CNTN6: variants seen among roughly 807,000 people sequenced by gnomAD.
The protein encoded by CNTN6 is contactin-6.
A neutral mutation model predicts 122.8 loss-of-function variants in CNTN6; 137 were observed. The observed-to-expected ratio is 1.12, with a 90% confidence interval of 0.97 to 1.29. The LOEUF (loss-of-function observed/expected upper bound fraction) is 1.29. CNTN6 is among the 50% of genes most tolerant of loss of function. CNTN6 has a pLI of 0.00. For missense variants in CNTN6, 1,634 were observed against 1,223.4 expected, an observed-to-expected ratio of 1.34 and a Z score of -5.01; for synonymous variants, 570 against 426.0, an observed-to-expected ratio of 1.34 and a Z score of -4.16.
At chr3:1,190,843 T>C (rs1008059632) in intron 2 of CNTN6, among the ~76,000 whole-genome samples, 1 of 152,142 alleles carries the variant, frequency 6.6e-6, no homozygotes, top group African/African-American at 2.4e-5. Context: ...TGAGATTAGT[T>C]TTCCCAAAGC....
chr3:1,245,786 G>A (rs544518008), intron 4 of CNTN6, among the ~76,000 whole-genome samples: 35 of 152,026 alleles, frequency 2.3e-4, no homozygotes, highest in Non-Finnish European at 4.6e-4. Context: ...GAGTTTTGAT[G>A]GAAATCCATT....
chr3:1,197,359 G>A (rs941812867), intron 2 of CNTN6, among the ~76,000 whole-genome samples: 4 of 152,174 alleles, frequency 2.6e-5, no homozygotes, highest in South Asian at 2.1e-4. Flanking sequence ...GGATAGAGGT[G>A]GCAGCAATTG....
rs71056326 is a variant in CNTN6 at position 1,245,295 on chromosome 3, CATATATATATATATATAT to C, written c.358+17326_358+17343del. 8.7e-3 allele frequency among the ~76,000 whole-genome samples: 33 copies of C among 3,804 alleles called. 4 individuals are homozygous for C. In the South Asian group the frequency reaches 0.21, roughly 24 times the overall value. The allele number at this position is 3,804 out of a possible 152,430, so 2.5% of individuals were successfully genotyped here. On this transcript the variant is annotated intron_variant, in intron 4 of 22. Transcript: ENST00000446702. ...TATATACACACACATATATATATAA[CATATATATATATATATAT>C]ATATATATATATATATATATATAGC...
rs114985433 is a variant in CNTN6 at position 1,368,075 on chromosome 3, T to C, written c.1493-4224T>C. The stretch of plus-strand genomic sequence containing the variant: ...GCAATAAAATCCACAGGCTTAGAAA[T>C]AGAAATTAAACTTAAAGATTATTCC... On this transcript the variant is annotated intron_variant, in intron 12 of 22. Transcript: ENST00000446702. Among the ~76,000 whole-genome samples, 611 of 152,310 alleles carry C rather than the reference T, an allele frequency of 4.0e-3. 8 individuals carry two copies. Among genetic ancestry groups the C allele is most frequent in the African/African-American group, 0.014 (578 of 41,582 alleles).
At chr3:1,093,485 G>T (rs2090347621) in intron 1 of CNTN6, among the ~76,000 whole-genome samples, 1 of 151,178 alleles carries the variant, frequency 6.6e-6, no homozygotes, top group East Asian at 1.9e-4. Context: ...CGCCCTTTCT[G>T]TAACGGCAGA....
chr3:1,329,716 A>G, intron 10 of CNTN6, 69 bp from the exon 11 acceptor site: 1 of 1,326,474 alleles, frequency 7.5e-7, no homozygotes, highest in Non-Finnish European at 1.0e-6. Context: ...CTAGCATAGC[A>G]AGTCACCCCT....
At chr3:1,267,638 C>T (rs112422805) in intron 4 of CNTN6, among the ~76,000 whole-genome samples, 2,673 of 152,208 alleles carry the variant, frequency 0.018, 84 homozygotes, top group African/African-American at 0.061. Context: ...GTAAGAAGGT[C>T]TTTTAAGAGT....
chr3:1,246,764 C>T (rs2094588082), intron 4 of CNTN6, among the ~76,000 whole-genome samples: 1 of 152,042 alleles, frequency 6.6e-6, no homozygotes, highest in Non-Finnish European at 1.5e-5. Context: ...CTTCTGTTTC[C>T]TGATCACTAA....
intron 4 of CNTN6, among the ~76,000 whole-genome samples, chr3:1,262,558 C>G (rs1368632270): frequency 6.6e-6 from 1 of 152,114 alleles, no homozygotes; most frequent in Non-Finnish European, 1.5e-5. Context: ...AATTTCATTT[C>G]CTGGCATGTA....
In CNTN6 at chr3:1,352,581, G is replaced by A. The variant is rs11920958; in HGVS notation, c.1492+130G>A. ...TGTTGATTTCACAAGTTATCTAAGA[G>A]ATCCATTCCCGTACTCATTAATAAC... On this transcript the variant is annotated intron_variant, in intron 12 of 22. Coordinates refer to ENST00000446702, the MANE Select transcript of CNTN6 (RefSeq NM_001289080.2). 4,981 of 1,074,630 alleles carry A rather than the reference G, an allele frequency of 4.6e-3. 182 individuals carry two copies. The African/African-American group carries it at 0.07, about 15-fold the overall frequency. 66.6% of individuals were successfully genotyped at this position (1,074,630 alleles called of 1,614,324 possible).
chr3:1,325,823 G>A lies in CNTN6; in HGVS notation c.955G>A (p.Glu319Lys). 1 of 1,610,050 alleles carries A rather than the reference G, an allele frequency of 6.2e-7. No homozygotes were observed. Among genetic ancestry groups the A allele is most frequent in the Middle Eastern group, 1.7e-4 (1 of 6,014 alleles). ...KGQLIFYAPP[E>K]WEQKIQNTHL... is the part of the protein sequence containing the mutation. ...TTGCCTTTTTGAAACAGCTCCTCCA[G>A]AATGGGAACAGAAAATCCAAAATAC... Residue 319 changes from glutamate (E) to lysine (K), a missense_variant, in exon 9 of 23, where the codon GAA becomes AAA. Glu to Lys is a moderately conservative substitution (Grantham distance 56, BLOSUM62 1). Transcript: ENST00000446702.
intron 1 of CNTN6, among the ~76,000 whole-genome samples, chr3:1,140,663 C>G (rs964119459): frequency 6.6e-6 from 1 of 152,112 alleles, no homozygotes; most frequent in African/African-American, 2.4e-5. Flanking sequence ...GAGAGATACT[C>G]TCTTGATGAC....
chr3:1,122,480 G>C lies in CNTN6; in HGVS notation c.-82-25447G>C, dbSNP rs547614940. Among the ~76,000 whole-genome samples the C allele has an allele frequency of 5.5e-4, 82 of 149,814 alleles. 3 individuals are homozygous for C. The highest frequency in any genetic ancestry group is 9.9e-4 in the Non-Finnish European group (66 of 66,618). On this transcript the variant is annotated intron_variant, in intron 1 of 22. Transcript: ENST00000446702. Reference sequence around the variant, plus strand: ...ATGACATAAAAGTAACCGTTGTAAAGTGGACAATTCGGTTGCATTTAATAC... The same window carrying C: ...ATGACATAAAAGTAACCGTTGTAAACTGGACAATTCGGTTGCATTTAATAC...
At chr3:1,347,124 T>G (rs2126058368) in intron 11 of CNTN6, among the ~76,000 whole-genome samples, 1 of 152,288 alleles carries the variant, frequency 6.6e-6, no homozygotes, top group South Asian at 2.1e-4. Flanking sequence ...CCAGTGTCAC[T>G]TAACTGTCAG....
At chr3:1,332,495 A>AAAGG (rs71056331) in intron 11 of CNTN6, among the ~76,000 whole-genome samples, 9,865 of 118,462 alleles carry the variant, frequency 0.083, 485 homozygotes, top group African/African-American at 0.17. Context: ...AGGAAGGAAA[A>AAAGG]AAGGAAGGAA....
chr3:1,307,097 G>T (rs77520127), intron 7 of CNTN6, among the ~76,000 whole-genome samples: 2,378 of 152,168 alleles, frequency 0.016, 67 homozygotes, highest in African/African-American at 0.053. Flanking sequence ...TTACATAAAG[G>T]CCCCGGGGAG....
chr3:1,174,331 G>A (rs777393205), intron 2 of CNTN6, among the ~76,000 whole-genome samples: 3 of 152,124 alleles, frequency 2.0e-5, no homozygotes, highest in Admixed American at 6.5e-5. Flanking sequence ...TGGCATAGGA[G>A]CTCATAGAAT....
intron 11 of CNTN6, among the ~76,000 whole-genome samples, chr3:1,348,677 C>T (rs896086508): frequency 1.3e-5 from 2 of 151,932 alleles, no homozygotes; most frequent in Non-Finnish European, 2.9e-5. Flanking sequence ...TGGAAGTGAA[C>T]TAAAACGGAA....
At chr3:1,386,502 C>CTTTA (rs1356697750) in intron 20 of CNTN6, among the ~76,000 whole-genome samples, 1 of 152,072 alleles carries the variant, frequency 6.6e-6, no homozygotes, top group Admixed American at 6.6e-5. Context: ...TTGTTGCTGC[C>CTTTA]TTTATTTTCT....
Sources: allele counts gnomAD v4.1 joint callset (sites outside exome capture counted in the v4.1 genomes callset), GRCh38; gene constraint gnomAD v4.1.1; transcripts MANE v1.5; gene names NCBI Gene and HGNC (gene_info 2026-07-23, HGNC 2026-07-21).